Variants in ADGRL3 observed in about 807,000 individuals in gnomAD.
The protein encoded by ADGRL3 is adhesion G protein-coupled receptor L3.
A neutral mutation model predicts 153.5 loss-of-function variants in ADGRL3; 62 were observed. The observed-to-expected ratio is 0.40, with a 90% CI of 0.33 to 0.50. The LOEUF is 0.50. Ranked by LOEUF, ADGRL3 falls within the 20% of genes least tolerant of loss-of-function variation. The probability of loss-of-function intolerance (pLI) is 0.47; values close to 1 mark genes in which losing one functional copy is unlikely to be tolerated. For missense variants in ADGRL3, 1,641 were observed against 1,859.4 expected, an observed-to-expected ratio of 0.88 and a Z score of 2.16; for synonymous variants, 710 against 672.5, an observed-to-expected ratio of 1.06 and a Z score of -0.86.
At chr4:61,289,707 T>C (rs1334109733) in intron 1 of ADGRL3, among the ~76,000 whole-genome samples, 2 of 152,028 alleles carry the variant, frequency 1.3e-5, no homozygotes, top group Non-Finnish European at 2.9e-5. Flanking sequence ...TACTTTATCT[T>C]TGTTCAGGTT....
intron 2 of ADGRL3, among the ~76,000 whole-genome samples, chr4:61,406,036 A>T (rs926840434): frequency 6.6e-6 from 1 of 152,034 alleles, no homozygotes; most frequent in Non-Finnish European, 1.5e-5. Flanking sequence ...TCACTCACTG[A>T]AGTGATAAAA....
At chr4:61,722,258 T>G in intron 6 of ADGRL3, among the ~76,000 whole-genome samples, 1 of 152,216 alleles carries the variant, frequency 6.6e-6, no homozygotes, top group East Asian at 1.9e-4. Flanking sequence ...CAAGTTAGTT[T>G]ATTTCTGATA....
chr4:61,248,202 T>A (rs947358170), intron 1 of ADGRL3, among the ~76,000 whole-genome samples: 6 of 152,068 alleles, frequency 3.9e-5, no homozygotes, highest in African/African-American at 1.4e-4. Flanking sequence ...ATTTTTTTTT[T>A]TGGTCATTCT....
intron 1 of ADGRL3, among the ~76,000 whole-genome samples, chr4:61,371,722 T>C (rs2096532292): frequency 6.6e-6 from 1 of 152,140 alleles, no homozygotes; most frequent in East Asian, 1.9e-4. Flanking sequence ...GAGTTGCTCT[T>C]CTCGAGGAGT....
chr4:61,766,963 T>C (rs2096990989), intron 8 of ADGRL3, among the ~76,000 whole-genome samples: 3 of 151,956 alleles, frequency 2.0e-5, no homozygotes, highest in South Asian at 4.1e-4. Context: ...AAGGAGAGTT[T>C]ATAGGCTTTA....
intron 4 of ADGRL3, among the ~76,000 whole-genome samples, chr4:61,573,441 C>T (rs2098847282): frequency 6.6e-6 from 1 of 151,890 alleles, no homozygotes; most frequent in South Asian, 2.1e-4. Flanking sequence ...GCTAAATAGA[C>T]ATTTAATGCA....
chr4:61,320,727 C>A (rs887973405), intron 1 of ADGRL3, among the ~76,000 whole-genome samples: 1 of 152,178 alleles, frequency 6.6e-6, no homozygotes, highest in Non-Finnish European at 1.5e-5. Flanking sequence ...AAATGCAAGT[C>A]TAGCCAAGTT....
At chr4:61,553,614 G>T (rs937006781) in intron 4 of ADGRL3, among the ~76,000 whole-genome samples, 2 of 152,028 alleles carry the variant, frequency 1.3e-5, no homozygotes, top group African/African-American at 2.4e-5. Context: ...TATAATAAGA[G>T]AAATAAGTAT....
At chr4:61,834,230 C>T (rs374946917) in intron 9 of ADGRL3, among the ~76,000 whole-genome samples, 22 of 151,054 alleles carry the variant, frequency 1.5e-4, no homozygotes, top group East Asian at 2.0e-4. Context: ...TTTGTCCTTG[C>T]GATAGTTTGC....
At chr4:61,734,745 G>T (rs1410853355) in intron 8 of ADGRL3, among the ~76,000 whole-genome samples, 1 of 152,184 alleles carries the variant, frequency 6.6e-6, no homozygotes, top group African/African-American at 2.4e-5. Flanking sequence ...GGAAAACTAA[G>T]ATAGAGGTGT....
intron 8 of ADGRL3, among the ~76,000 whole-genome samples, chr4:61,749,445 G>A (rs182437922): frequency 1.5e-3 from 225 of 151,972 alleles, no homozygotes; most frequent in African/African-American, 5.3e-3. Flanking sequence ...CAATAGCAAA[G>A]ACTTGGAACC....
At chr4:61,376,329 T>G (rs200743603) in intron 1 of ADGRL3, among the ~76,000 whole-genome samples, 1 of 25,270 alleles carries the variant, frequency 4.0e-5, no homozygotes. Flanking sequence ...CCACTTGTCA[T>G]GTGTAATTAT....
intron 1 of ADGRL3, among the ~76,000 whole-genome samples, chr4:61,298,242 C>T (rs948496417): frequency 1.3e-5 from 2 of 151,974 alleles, no homozygotes; most frequent in African/African-American, 4.8e-5. Flanking sequence ...CCCTCGCCCC[C>T]CAAATGCATG....
intron 17 of ADGRL3, among the ~76,000 whole-genome samples, chr4:61,965,419 G>T (rs1394894823): frequency 6.6e-6 from 1 of 152,088 alleles, no homozygotes; most frequent in Non-Finnish European, 1.5e-5. Context: ...AGCTTTATAA[G>T]ATAGACAATA....
At chr4:62,000,806 G>A (rs1200841089) in intron 21 of ADGRL3, among the ~76,000 whole-genome samples, 1 of 151,754 alleles carries the variant, frequency 6.6e-6, no homozygotes, top group African/African-American at 2.4e-5. Context: ...TCAAGAGGTA[G>A]AGTCTTGCTC....
chr4:62,070,567 A>G lies in ADGRL3; in HGVS notation c.4291A>G (p.Ser1431Gly). Reference sequence around the variant, plus strand: ...GCGGATCCCCCAAGACCACAGTGAGAGCTTTTTCCCTTTGCTAACCAACGA... The same window carrying G: ...GCGGATCCCCCAAGACCACAGTGAGGGCTTTTTCCCTTTGCTAACCAACGA... ...RRRIPQDHSE[S>G]FFPLLTNEHT... is the part of the protein sequence containing the mutation. Residue 1431 changes from serine (S) to glycine (G), a missense_variant, in exon 27 of 27, where the codon AGC becomes GGC. Physicochemically the swap from Ser to Gly is moderately conservative, Grantham distance 56. Transcript: ENST00000683033. The G allele has an allele frequency of 6.4e-7, 1 of 1,550,416 alleles. No individual in the cohort carries two copies. The highest frequency in any genetic ancestry group is 8.7e-7 in the Non-Finnish European group (1 of 1,146,890).
chr4:61,534,560 C>T (rs2098643489), intron 4 of ADGRL3, among the ~76,000 whole-genome samples: 1 of 152,068 alleles, frequency 6.6e-6, no homozygotes, highest in Admixed American at 6.5e-5. Context: ...TTGACTCTTC[C>T]TATGCATGAG....
chr4:61,725,738 A>G (rs2096322548), intron 6 of ADGRL3, among the ~76,000 whole-genome samples: 1 of 149,488 alleles, frequency 6.7e-6, no homozygotes, highest in South Asian at 2.1e-4. Flanking sequence ...TGTCTTTTCT[A>G]AAGTATGCTT....
At chr4:61,771,143 A>G (rs1290065948) in intron 8 of ADGRL3, among the ~76,000 whole-genome samples, 5 of 152,168 alleles carry the variant, frequency 3.3e-5, no homozygotes, top group Admixed American at 3.3e-4. Flanking sequence ...GGGTCCTTAG[A>G]CTGAGTCCCT....
Sources: gnomAD v4.1 joint callset for allele counts (sites outside exome capture counted in the v4.1 genomes callset) on GRCh38, gnomAD v4.1.1 for gene constraint, MANE v1.5 for transcripts, NCBI Gene and HGNC (gene_info 2026-07-23, HGNC 2026-07-21) for gene names.